Variants in RPH3A observed in about 807,000 individuals in gnomAD.
RPH3A encodes the protein rabphilin 3A, also known as rabphilin-3A.
In RPH3A, 48 loss-of-function variants were observed where a neutral mutation model predicts 102.2. The observed-to-expected ratio is 0.47, with a 90% confidence interval of 0.37 to 0.60. The LOEUF is 0.60. Among genes scored for constraint, RPH3A ranks in the 20% least tolerant of loss-of-function variants. The pLI, the probability that RPH3A is intolerant of heterozygous loss-of-function variation, is 0.00. For missense variants in RPH3A, 781 were observed against 910.1 expected (o/e 0.86, Z 1.83); for synonymous variants, 310 against 324.3 (o/e 0.96, Z 0.47).
At chr12:112,756,489 G>GGCATGA (rs1268708329) in intron 1 of RPH3A, among the ~76,000 whole-genome samples, 1 of 152,184 alleles carries the variant, frequency 6.6e-6, no homozygotes, top group Non-Finnish European at 1.5e-5. Context: ...TGGGATTACA[G>GGCATGA]GCATGAGCCC....
chr12:112,792,061 T>G (rs1565882659), intron 1 of RPH3A, 49 bp downstream of exon 1: 1 of 152,144 alleles, frequency 6.6e-6, no homozygotes, highest in Non-Finnish European at 1.5e-5. Context: ...AGTTGATGTG[T>G]CTGTGTGTCT....
At chr12:112,613,218 C>A (rs2039652371) in intron 1 of RPH3A, among the ~76,000 whole-genome samples, 1 of 152,142 alleles carries the variant, frequency 6.6e-6, no homozygotes, top group South Asian at 2.1e-4. Flanking sequence ...GAGATTGAAG[C>A]CCGGGACTTT....
chr12:112,681,116 C>G (rs1025932912), intron 1 of RPH3A, among the ~76,000 whole-genome samples: 1 of 152,176 alleles, frequency 6.6e-6, no homozygotes, highest in Non-Finnish European at 1.5e-5. Context: ...TTCACAAAAC[C>G]CTTCCTGCTC....
chr12:112,815,484 A>G (rs1816961975), intron 2 of RPH3A, among the ~76,000 whole-genome samples: 1 of 152,172 alleles, frequency 6.6e-6, no homozygotes, highest in East Asian at 1.9e-4. Context: ...TCTCCCATCT[A>G]AAATTTGTGA....
rs776918642 is a variant in RPH3A at position 112,890,107 on chromosome 12, A to G, written c.1620+27A>G. 5.0e-6 allele frequency: 8 copies of G among 1,606,142 alleles called. No individual in the cohort carries two copies. In the Admixed American group the frequency reaches 6.7e-5, roughly 13 times the overall value. ...TGAGCACTGAGCAGGAATTGAAGCC[A>G]CAGTCAGGGTCTGTACTGGGCTAGG... On this transcript the variant is annotated intron_variant, in intron 18 of 21. Coordinates refer to ENST00000389385, the MANE Select transcript of RPH3A (RefSeq NM_001143854.2).
intron 1 of RPH3A, among the ~76,000 whole-genome samples, chr12:112,662,765 C>CAAAA (rs111751138): frequency 3.5e-5 from 4 of 113,478 alleles, no homozygotes; most frequent in African/African-American, 1.1e-4. Flanking sequence ...ACTTTGCTTA[C>CAAAA]AAAAAAAAAA....
intron 1 of RPH3A, among the ~76,000 whole-genome samples, chr12:112,684,054 T>C (rs2040245597): frequency 6.6e-6 from 1 of 152,192 alleles, no homozygotes; most frequent in African/African-American, 2.4e-5. Context: ...TATATAGGCA[T>C]CTATCTGTAT....
intron 1 of RPH3A, among the ~76,000 whole-genome samples, chr12:112,641,945 A>G (rs1399272340): frequency 6.6e-6 from 1 of 151,972 alleles, no homozygotes; most frequent in African/African-American, 2.4e-5. Context: ...TATTATTTCT[A>G]TTTTTCAGGT....
At chr12:112,810,439 G>T (rs1396064596) in intron 2 of RPH3A, among the ~76,000 whole-genome samples, 1 of 152,124 alleles carries the variant, frequency 6.6e-6, no homozygotes, top group African/African-American at 2.4e-5. Context: ...TTTGCTGCTC[G>T]GCCCTGGTTC....
Position 112,870,006 on chromosome 12 carries a change from G to T in RPH3A, c.763G>T (p.Gly255Trp). The T allele has an allele frequency of 1.2e-6, 2 of 1,614,134 alleles. No homozygotes were observed. ...SRDSESWDHS[G>W]GAGDSSRSPA... ...AGATTCAGAGAGCTGGGACCACAGT[G>T]GGGGTGCTGGAGACTCCAGCCGGAG... The change falls in exon 10 of 22, where the codon GGG becomes TGG. Residue 255 changes from glycine (G) to tryptophan (W), a missense_variant. Gly to Trp is a radical substitution (Grantham distance 184). Coordinates refer to ENST00000389385, the MANE Select transcript of RPH3A (RefSeq NM_001143854.2).
chr12:112,767,663 A>G (rs990417203), intron 1 of RPH3A, among the ~76,000 whole-genome samples: 1 of 152,158 alleles, frequency 6.6e-6, no homozygotes, highest in African/African-American at 2.4e-5. Context: ...TCCTTGGGCA[A>G]GTGACTTGAC....
intron 1 of RPH3A, among the ~76,000 whole-genome samples, chr12:112,713,017 C>G (rs56114702): frequency 0.019 from 1,152 of 60,632 alleles, 97 homozygotes; most frequent in South Asian, 0.058. Context: ...CTTCCTCTTC[C>G]TCTTCCTCTT....
chr12:112,842,088 T>C, intron 4 of RPH3A: 1 of 454,568 alleles, frequency 2.2e-6, no homozygotes, highest in Non-Finnish European at 4.4e-6. Flanking sequence ...TTCCATTGGG[T>C]TCTTCCCACC....
intron 4 of RPH3A, among the ~76,000 whole-genome samples, chr12:112,839,156 G>A (rs1942757064): frequency 6.6e-6 from 1 of 152,118 alleles, no homozygotes; most frequent in South Asian, 2.1e-4. Flanking sequence ...TTATTCAGAA[G>A]CTAAATCTTT....
intron 1 of RPH3A, among the ~76,000 whole-genome samples, chr12:112,732,698 C>T (rs2040643068): frequency 6.6e-6 from 1 of 152,282 alleles, no homozygotes; most frequent in Middle Eastern, 3.4e-3. Flanking sequence ...TAGAATGGCC[C>T]TCGAGAGGTG....
intron 7 of RPH3A, among the ~76,000 whole-genome samples, chr12:112,867,355 A>G (rs150924635): frequency 1.1e-3 from 162 of 151,780 alleles, no homozygotes; most frequent in African/African-American, 3.8e-3. Flanking sequence ...TCTTACCCCA[A>G]TTAAGTCCTT....
At chr12:112,886,926 A>G (rs61390774) in intron 16 of RPH3A, among the ~76,000 whole-genome samples, 70,330 of 151,622 alleles carry the variant, frequency 0.46, 16,729 homozygotes, top group East Asian at 0.59. Context: ...AACTGTTTTA[A>G]TCATCAGGGA....
At chr12:112,756,752 G>T (rs2040825906) in intron 1 of RPH3A, among the ~76,000 whole-genome samples, 1 of 152,078 alleles carries the variant, frequency 6.6e-6, no homozygotes, top group Non-Finnish European at 1.5e-5. Flanking sequence ...CATTTCTTTA[G>T]GATAAATTCC....
intron 17 of RPH3A, among the ~76,000 whole-genome samples, chr12:112,888,350 G>T (rs996340905): frequency 6.6e-6 from 1 of 152,248 alleles, no homozygotes. Context: ...AATCAAAATA[G>T]AACTTAATGC....
Sources: allele counts gnomAD v4.1 joint callset (sites outside exome capture counted in the v4.1 genomes callset), GRCh38; gene constraint gnomAD v4.1.1; transcripts MANE v1.5; gene names NCBI Gene and HGNC (gene_info 2026-07-23, HGNC 2026-07-21).